Variants in HNRNPC observed in about 807,000 individuals in gnomAD.
HNRNPC encodes the protein heterogeneous nuclear ribonucleoproteins C1/C2.
In HNRNPC, 3 loss-of-function variants were observed where a neutral mutation model predicts 33.2. That is an observed-to-expected ratio of 0.09 (90% CI 0.04 to 0.23). HNRNPC has a LOEUF of 0.23. Ranked by LOEUF, HNRNPC falls within the 10% of genes least tolerant of loss-of-function variation. The pLI, the probability that HNRNPC is intolerant of heterozygous loss-of-function variation, is 1.00. For missense variants in HNRNPC, 143 were observed against 366.7 expected (o/e 0.39, Z 4.98); for synonymous variants, 121 against 126.7 (o/e 0.96, Z 0.30).
intron 6 of HNRNPC, 28 bp downstream of exon 6, chr14:21,212,932 C>G: frequency 6.2e-7 from 1 of 1,612,634 alleles, no homozygotes; most frequent in East Asian, 2.2e-5. Context: ...CAAGAGATAC[C>G]AAAATCACAA....
intron 2 of HNRNPC, among the ~76,000 whole-genome samples, chr14:21,242,076 C>T (rs966698072): frequency 2.0e-5 from 3 of 151,990 alleles, no homozygotes; most frequent in South Asian, 2.1e-4. Flanking sequence ...AAACTGCACA[C>T]GCAAAGGTCA....
intron 2 of HNRNPC, among the ~76,000 whole-genome samples, chr14:21,247,247 G>C (rs890595994): frequency 1.3e-5 from 2 of 150,656 alleles, no homozygotes; most frequent in Non-Finnish European, 2.9e-5. Context: ...CTTCTACCTA[G>C]TTCATAATCA....
intron 2 of HNRNPC, among the ~76,000 whole-genome samples, chr14:21,259,381 C>G (rs755925199): frequency 1.2e-4 from 19 of 152,158 alleles, no homozygotes; most frequent in Non-Finnish European, 2.2e-4. Flanking sequence ...CCTCAATGAT[C>G]TATAATATCT....
At chr14:21,231,854 C>CAATTATTA (rs1247770053) in intron 3 of HNRNPC, among the ~76,000 whole-genome samples, 1 of 151,994 alleles carries the variant, frequency 6.6e-6, no homozygotes, top group Admixed American at 6.6e-5. Flanking sequence ...CAGCTCATTC[C>CAATTATTA]GAATTATTAC....
intron 5 of HNRNPC, among the ~76,000 whole-genome samples, chr14:21,221,831 A>G (rs1188540141): frequency 6.6e-6 from 1 of 152,088 alleles, no homozygotes; most frequent in African/African-American, 2.4e-5. Flanking sequence ...GCAGATCACG[A>G]GGTCAGGAGA....
At chr14:21,213,482 T>C (rs1281936547) in intron 5 of HNRNPC, 1 of 184,098 alleles carries the variant, frequency 5.4e-6, no homozygotes, top group Non-Finnish European at 1.1e-5. Flanking sequence ...TATTTTCAAA[T>C]ATACATTACA....
rs546247761 is a variant in HNRNPC at position 21,244,609 on chromosome 14, C to A, written c.-36-10380G>T. Among the ~76,000 whole-genome samples the A allele has an allele frequency of 2.6e-5, 4 of 152,292 alleles. No individual in the cohort carries two copies. In the East Asian group the frequency reaches 7.7e-4, roughly 29 times the overall value. ...TTAGCTCTATTCTTGGAATTACATT[C>A]ATCAGTAAACCAATTAATCACACAT... On this transcript the variant is annotated intron_variant, in intron 2 of 8. Transcript: ENST00000553300.
chr14:21,265,006 CCT>C (rs1878746303), intron 1 of HNRNPC: 1 of 151,948 alleles, frequency 6.6e-6, no homozygotes, highest in Non-Finnish European at 1.5e-5. Flanking sequence ...AGAGAGAGAC[CCT>C]GTCTCAAAAA....
chr14:21,254,399 T>C (rs896435892), intron 2 of HNRNPC: 1 of 152,178 alleles, frequency 6.6e-6, no homozygotes, highest in African/African-American at 2.4e-5. Flanking sequence ...ATATATGCTG[T>C]ATGACAGTGC....
chr14:21,241,389 A>C (rs1298476835), intron 2 of HNRNPC, among the ~76,000 whole-genome samples: 1 of 152,170 alleles, frequency 6.6e-6, no homozygotes, highest in South Asian at 2.1e-4. Flanking sequence ...TCTTTGCAGA[A>C]TTTCAAAGAC....
In HNRNPC at chr14:21,233,861, T is replaced by A; in HGVS notation, c.241+92A>T. On this transcript the variant is annotated intron_variant, in intron 3 of 8. Coordinates refer to ENST00000553300, the MANE Select transcript of HNRNPC (RefSeq NM_004500.4). ...CAGTCGCAATATCCAGAATATCTCA[T>A]GCTGTCAGTTTTACAGACATAAAGA... 2.7e-6 allele frequency: 4 copies of A among 1,457,000 alleles called. No individual in the cohort carries two copies. In the Admixed American group the frequency reaches 6.3e-5, roughly 23 times the overall value. The allele number at this position is 1,457,000 out of a possible 1,614,324, so 90.3% of individuals were successfully genotyped here.
intron 2 of HNRNPC, among the ~76,000 whole-genome samples, chr14:21,236,069 T>C (rs1432012082): frequency 6.6e-6 from 1 of 152,144 alleles, no homozygotes; most frequent in Non-Finnish European, 1.5e-5. Context: ...CTAGTATTAT[T>C]TTCACAAGTC....
At chr14:21,229,107 C>G (rs1422210744) in intron 5 of HNRNPC, among the ~76,000 whole-genome samples, 1 of 140,102 alleles carries the variant, frequency 7.1e-6, no homozygotes, top group African/African-American at 2.6e-5. Context: ...AAAAAAAAAT[C>G]AGGCCAGGCG....
At position 21,211,215 on chromosome 14, in the gene HNRNPC, C is replaced by G. The variant is rs202220066; in HGVS notation, c.*8G>C. ...AATGGGATAAGATTTCTAAACCCCA[C>G]TATGTGCTTAAGAGTCATCCTCGCC... On this transcript the variant is annotated 3_prime_UTR_variant, in exon 9 of 9. Transcript: ENST00000553300. The G allele has an allele frequency of 1.9e-6, 3 of 1,612,926 alleles. No homozygotes were observed. In the African/African-American group the frequency reaches 4.0e-5, roughly 22 times the overall value.
In HNRNPC at chr14:21,235,510, T is replaced by A. The variant is rs111395208; in HGVS notation, c.-36-1281A>T. ...TTAAAAGCTCAAACAAAACTTCACT[T>A]CCTTCCAAATCTTTCTGAAATTCAA... On this transcript the variant is annotated intron_variant, in intron 2 of 8. Transcript: ENST00000553300. Among the ~76,000 whole-genome samples, 72 of 152,300 alleles carry A rather than the reference T, an allele frequency of 4.7e-4. 1 individual carries two copies. Among genetic ancestry groups the A allele is most frequent in the African/African-American group, 1.6e-3 (67 of 41,576 alleles).
intron 2 of HNRNPC, among the ~76,000 whole-genome samples, chr14:21,243,507 CTT>C (rs1411822513): frequency 6.6e-6 from 1 of 152,208 alleles, no homozygotes; most frequent in Non-Finnish European, 1.5e-5. Flanking sequence ...AGATTGCACA[CTT>C]CACCAAATTT....
At chr14:21,246,904 C>T (rs906665872) in intron 2 of HNRNPC, among the ~76,000 whole-genome samples, 2 of 152,178 alleles carry the variant, frequency 1.3e-5, no homozygotes, top group Non-Finnish European at 2.9e-5. Context: ...ATATCTTCTG[C>T]TCCTTAATAA....
intron 5 of HNRNPC, among the ~76,000 whole-genome samples, chr14:21,218,681 C>CAAAAAAAAAAAAA (rs71112557): frequency 2.0e-4 from 10 of 51,254 alleles, no homozygotes; most frequent in African/African-American, 6.2e-4. Flanking sequence ...AACTCTCTCT[C>CAAAAAAAAAAAAA]AAAAAAAAAA....
chr14:21,253,173 T>TA (rs544647664), intron 2 of HNRNPC, among the ~76,000 whole-genome samples: 2,584 of 118,786 alleles, frequency 0.022, 60 homozygotes, highest in African/African-American at 0.063. Context: ...ACTCTGTCTT[T>TA]AAAAAAAAAA....
Sources: gnomAD v4.1 joint callset for allele counts (sites outside exome capture counted in the v4.1 genomes callset) on GRCh38, gnomAD v4.1.1 for gene constraint, MANE v1.5 for transcripts, NCBI Gene and HGNC (gene_info 2026-07-23, HGNC 2026-07-21) for gene names.